Variants in RAB20 observed in about 807,000 individuals in gnomAD.
RAB20 encodes ras-related protein Rab-20.
RAB20 carries 2 observed loss-of-function variants against 3.7 expected under a neutral mutation model. The observed-to-expected ratio is 0.54, with a 90% CI of 0.22 to 1.69. The LOEUF (loss-of-function observed/expected upper bound fraction) is 1.69, where lower values mean the gene tolerates loss of function less well. Ranked by LOEUF, RAB20 falls within the 40% of genes most tolerant of loss-of-function variation. RAB20 has a pLI of 0.19. For synonymous variants in RAB20, 126 were observed against 130.8 expected (o/e 0.96, Z 0.25); for missense variants, 276 against 311.9 (o/e 0.88, Z 0.87).
At chr13:110,533,470 C>A (rs1181002138) in intron 1 of RAB20, among the ~76,000 whole-genome samples, 2 of 152,112 alleles carry the variant, frequency 1.3e-5, no homozygotes, top group African/African-American at 4.8e-5. Context: ...ATCCCTTGAG[C>A]CCCTGAGTTT....
intron 1 of RAB20, among the ~76,000 whole-genome samples, chr13:110,533,381 G>A (rs921033794): frequency 5.3e-5 from 8 of 152,114 alleles, no homozygotes; most frequent in Admixed American, 3.3e-4. Flanking sequence ...AGTGAACTTG[G>A]TTAAATAATG....
At chr13:110,526,743 T>C (rs1594127788) in intron 1 of RAB20, among the ~76,000 whole-genome samples, 2 of 152,162 alleles carry the variant, frequency 1.3e-5, no homozygotes, top group African/African-American at 4.8e-5. Context: ...GGCCAGCAGG[T>C]GCTTCCATCC....
Position 110,560,084 on chromosome 13 carries a change from C to T in RAB20, c.172+1264G>A, listed in dbSNP as rs114938938. ...ACTTTGTACAGAAGCAAATTGGGTT[C>T]GTGAATTGGGTTCGATTTGACTTCT... On this transcript the variant is annotated intron_variant, in intron 1 of 1. Coordinates refer to ENST00000267328, the MANE Select transcript of RAB20 (RefSeq NM_017817.3). 1.3e-4 allele frequency among the ~76,000 whole-genome samples: 20 copies of T among 152,172 alleles called. No individual in the cohort carries two copies. In the East Asian group the frequency reaches 3.7e-3, roughly 28 times the overall value.
chr13:110,527,005 C>A (rs1886873), intron 1 of RAB20, among the ~76,000 whole-genome samples: 37,989 of 151,922 alleles, frequency 0.25, 4,805 homozygotes, highest in East Asian at 0.35. Flanking sequence ...GAAGTTAAGG[C>A]CCCTTGGTCT....
chr13:110,544,207 C>T (rs932031949), intron 1 of RAB20, among the ~76,000 whole-genome samples: 1 of 152,142 alleles, frequency 6.6e-6, no homozygotes, highest in Non-Finnish European at 1.5e-5. Context: ...TAACAGTAAA[C>T]GTGTGGATTT....
At chr13:110,532,120 T>C (rs1162023900) in intron 1 of RAB20, among the ~76,000 whole-genome samples, 1 of 152,152 alleles carries the variant, frequency 6.6e-6, no homozygotes, top group African/African-American at 2.4e-5. Flanking sequence ...GTGGGGAGAC[T>C]TAAAAAATAC....
At chr13:110,544,025 C>T (rs968416839) in intron 1 of RAB20, among the ~76,000 whole-genome samples, 4 of 152,114 alleles carry the variant, frequency 2.6e-5, no homozygotes, top group African/African-American at 4.8e-5. Flanking sequence ...GATCCACCCA[C>T]GTCAGCCTCC....
intron 1 of RAB20, among the ~76,000 whole-genome samples, chr13:110,552,481 C>T (rs1884969847): frequency 6.6e-6 from 1 of 151,808 alleles, no homozygotes; most frequent in Non-Finnish European, 1.5e-5. Flanking sequence ...ATCACAAGGT[C>T]AGGAGATCGA....
intron 1 of RAB20, among the ~76,000 whole-genome samples, chr13:110,549,970 C>T (rs769034891): frequency 9.9e-5 from 15 of 152,200 alleles, no homozygotes; most frequent in Non-Finnish European, 2.1e-4. Context: ...GTGATCTACC[C>T]TCCTCGGCCT....
chr13:110,524,287 T>A, intron 1 of RAB20, 90 bp from the exon 2 acceptor site: 1 of 1,466,752 alleles, frequency 6.8e-7, no homozygotes, highest in Middle Eastern at 2.5e-4. Flanking sequence ...CCCACAGGGA[T>A]GTTTATTTTT....
At chr13:110,556,311 G>A (rs1885038099) in intron 1 of RAB20, among the ~76,000 whole-genome samples, 1 of 152,222 alleles carries the variant, frequency 6.6e-6, no homozygotes, top group Non-Finnish European at 1.5e-5. Context: ...TCAGAGGGAT[G>A]CTGTGTAGGA....
chr13:110,544,578 G>A (rs1341145143), intron 1 of RAB20, among the ~76,000 whole-genome samples: 5 of 152,208 alleles, frequency 3.3e-5, no homozygotes, highest in Non-Finnish European at 5.9e-5. Context: ...ATAAAGACAC[G>A]TTAAACTCAT....
chr13:110,561,229 A>C, intron 1 of RAB20, 119 bp downstream of exon 1: 1 of 1,255,020 alleles, frequency 8.0e-7, no homozygotes, highest in East Asian at 3.0e-5. Context: ...CCCGAGAAGG[A>C]GGCATTTGCT....
chr13:110,533,105 A>G (rs1422796164), intron 1 of RAB20, among the ~76,000 whole-genome samples: 6 of 152,166 alleles, frequency 3.9e-5, no homozygotes, highest in Non-Finnish European at 8.8e-5. Flanking sequence ...CAGACCAGAG[A>G]TGGGAGCAAA....
At chr13:110,553,020 C>G (rs939070964) in intron 1 of RAB20, among the ~76,000 whole-genome samples, 1 of 152,198 alleles carries the variant, frequency 6.6e-6, no homozygotes, top group Admixed American at 6.5e-5. Flanking sequence ...CCTGCTGAGG[C>G]CAGGACAACC....
chr13:110,561,240 G>T, intron 1 of RAB20, 108 bp downstream of exon 1: 1 of 1,354,388 alleles, frequency 7.4e-7, no homozygotes, highest in Non-Finnish European at 9.6e-7. Context: ...GGCATTTGCT[G>T]TCCGAGGCCG....
rs533129184 is a variant in RAB20, at chr13:110,555,267, C to T, written c.172+6081G>A. ...CCACAAACCTCCAACTACTCTAACGCGCCGGAATAGAACTCAAATGAGGCT... is the reference window on the plus strand; with the variant it reads ...CCACAAACCTCCAACTACTCTAACGTGCCGGAATAGAACTCAAATGAGGCT... On this transcript the variant is annotated intron_variant, in intron 1 of 1. Coordinates refer to ENST00000267328, the MANE Select transcript of RAB20 (RefSeq NM_017817.3). The surrounding 1 kb of genome is among the most constrained non-coding windows in gnomAD (Gnocchi z 4.0). 4.6e-5 allele frequency among the ~76,000 whole-genome samples: 7 copies of T among 152,308 alleles called. No homozygotes were observed. Among genetic ancestry groups the T allele is most frequent in the African/African-American group, 1.2e-4 (5 of 41,572 alleles).
At position 110,550,860 on chromosome 13, in the gene RAB20, G is replaced by A. The variant is rs567943172; in HGVS notation, c.172+10488C>T. 3.1e-4 allele frequency among the ~76,000 whole-genome samples: 47 copies of A among 152,234 alleles called. No individual in the cohort carries two copies. The South Asian group carries it at 9.5e-3, about 31-fold the overall frequency. ...TTAGTCTTTTTAATAGATTTGCAAT[G>A]ATATTGAACTCAAAAGAAATCAAGA... On this transcript the variant is annotated intron_variant, in intron 1 of 1. Coordinates refer to ENST00000267328, the MANE Select transcript of RAB20 (RefSeq NM_017817.3).
chr13:110,546,700 G>GT (rs67435229), intron 1 of RAB20, among the ~76,000 whole-genome samples: 71,378 of 144,736 alleles, frequency 0.49, 18,763 homozygotes, highest in Middle Eastern at 0.61. Context: ...CTGAACTTCT[G>GT]TTTTTTTTTG....
Sources: allele counts gnomAD v4.1 joint callset (sites outside exome capture counted in the v4.1 genomes callset), GRCh38; gene constraint gnomAD v4.1.1; non-coding constraint Gnocchi (gnomAD v3.1); transcripts MANE v1.5; gene names NCBI Gene and HGNC (gene_info 2026-07-23, HGNC 2026-07-21).